Variants in LRBA observed in about 807,000 individuals in gnomAD.
LRBA encodes lipopolysaccharide-responsive and beige-like anchor protein.
A neutral mutation model predicts 330.0 loss-of-function variants in LRBA; 176 were observed. That is an observed-to-expected ratio of 0.53 (90% confidence interval 0.47 to 0.60). LRBA has a LOEUF of 0.60. Among genes scored for constraint, LRBA ranks in the 20% least tolerant of loss-of-function variants. The probability of loss-of-function intolerance (pLI) is 0.00; values close to 1 mark genes in which losing one functional copy is unlikely to be tolerated. For synonymous variants in LRBA, 1,230 were observed against 1,193.0 expected, an observed-to-expected ratio of 1.03 and a Z score of -0.64; for missense variants, 3,259 against 3,444.8, an observed-to-expected ratio of 0.95 and a Z score of 1.35.
At chr4:150,563,659 T>C (rs1169093977) in intron 40 of LRBA, among the ~76,000 whole-genome samples, 1 of 152,184 alleles carries the variant, frequency 6.6e-6, no homozygotes, top group Non-Finnish European at 1.5e-5. Context: ...CAAAAACTCC[T>C]TAAGCTGATA....
At chr4:150,513,538 T>A (rs1431306136) in intron 40 of LRBA, among the ~76,000 whole-genome samples, 1 of 152,180 alleles carries the variant, frequency 6.6e-6, no homozygotes, top group East Asian at 1.9e-4. Context: ...GATGCCCTAA[T>A]AAAATACTGC....
At chr4:151,008,988 AATAT>A (rs1554018902) in intron 2 of LRBA, among the ~76,000 whole-genome samples, 1 of 5,522 alleles carries the variant, frequency 1.8e-4, no homozygotes, top group African/African-American at 4.7e-4. Flanking sequence ...AAAAAAAAAA[AATAT>A]ATATATATAT....
intron 28 of LRBA, among the ~76,000 whole-genome samples, chr4:150,843,595 T>C (rs965618661): frequency 3.3e-5 from 5 of 152,200 alleles, no homozygotes; most frequent in Non-Finnish European, 7.4e-5. Flanking sequence ...CACATTAGTG[T>C]ACCTTTGAGG....
In LRBA at chr4:150,852,874, C is replaced by A; in HGVS notation, c.2836G>T (p.Glu946Ter). ...GAAGTTGAAGAACACAGCCCTATTTCTTCATCAACTTTTCCTTGCTGTTCC... is the reference window on the plus strand; with the variant it reads ...GAAGTTGAAGAACACAGCCCTATTTATTCATCAACTTTTCCTTGCTGTTCC... ...FREQQGKVDE[E>*]IGLCSSTSVQ... is the part of the protein sequence containing the mutation. Residue 946 changes from glutamate to a stop codon, truncating the protein, a stop_gained, in exon 23 of 57, where the codon GAA becomes TAA. Coordinates refer to ENST00000651943, the MANE Select transcript of LRBA (RefSeq NM_001364905.1). LOFTEE classifies it high-confidence loss of function. The A allele has an allele frequency of 6.2e-7, 1 of 1,610,360 alleles. No homozygotes were observed. The highest frequency in any genetic ancestry group is 8.5e-7 in the Non-Finnish European group (1 of 1,178,552).
intron 25 of LRBA, 30 bp from the exon 26 acceptor site, chr4:150,849,028 A>T (rs746748902): frequency 6.8e-7 from 1 of 1,460,074 alleles, no homozygotes; most frequent in South Asian, 1.4e-5. Flanking sequence ...ACATTTATAT[A>T]TATATATTCT....
At chr4:150,957,323 T>C (rs1737643029) in intron 2 of LRBA, among the ~76,000 whole-genome samples, 1 of 148,472 alleles carries the variant, frequency 6.7e-6, no homozygotes. Context: ...GACATGTCTT[T>C]GCAGGCAAGT....
At chr4:150,778,423 A>G (rs151160067) in intron 34 of LRBA, among the ~76,000 whole-genome samples, 1 of 152,310 alleles carries the variant, frequency 6.6e-6, no homozygotes, top group East Asian at 1.9e-4. Flanking sequence ...TTATGTAATT[A>G]CTATAAACAC....
chr4:150,636,234 T>C (rs1777896482), intron 37 of LRBA, among the ~76,000 whole-genome samples: 1 of 151,668 alleles, frequency 6.6e-6, no homozygotes, highest in South Asian at 2.1e-4. Flanking sequence ...AGGAGGTACT[T>C]TGGAACTATG....
intron 37 of LRBA, among the ~76,000 whole-genome samples, chr4:150,616,934 G>A (rs1288803609): frequency 6.6e-6 from 1 of 152,068 alleles, no homozygotes; most frequent in East Asian, 1.9e-4. Context: ...AATTTGAAAA[G>A]ATAAAAAGTC....
At chr4:150,567,237 C>T (rs1769251891) in intron 40 of LRBA, among the ~76,000 whole-genome samples, 1 of 152,128 alleles carries the variant, frequency 6.6e-6, no homozygotes, top group African/African-American at 2.4e-5. Context: ...CAGAGATTTC[C>T]AGATCTCTAT....
rs545194572 is a variant in LRBA at position 150,402,126 on chromosome 4, T to TA, written c.7194+13311dup. Among the ~76,000 whole-genome samples the TA allele has an allele frequency of 9.2e-3, 1,080 of 117,626 alleles. 5 individuals carry two copies. Among genetic ancestry groups the TA allele is most frequent in the Non-Finnish European group, 0.011 (594 of 56,034 alleles). The allele number at this position is 117,626 out of a possible 152,430, so 77.2% of individuals were successfully genotyped here. A position where few individuals can be genotyped will look rare whatever the true frequency, so the allele number is the denominator to read the frequency against. On this transcript the variant is annotated intron_variant, in intron 47 of 56. Transcript: ENST00000651943. ...TAACACGGTGAAATGCCATCTCTACTAAAAAAAAAAAAAAAAAAATTCTGT... is the reference window on the plus strand; with the variant it reads ...TAACACGGTGAAATGCCATCTCTACTAAAAAAAAAAAAAAAAAAAATTCTGT...
At chr4:150,912,219 GAAC>G (rs1247182186) in intron 9 of LRBA, among the ~76,000 whole-genome samples, 1 of 151,948 alleles carries the variant, frequency 6.6e-6, no homozygotes, top group East Asian at 1.9e-4. Flanking sequence ...GACCTGTTAG[GAAC>G]AACAGCAAGA....
intron 46 of LRBA, among the ~76,000 whole-genome samples, chr4:150,432,015 T>C (rs1289442338): frequency 6.6e-6 from 1 of 152,156 alleles, no homozygotes; most frequent in African/African-American, 2.4e-5. Flanking sequence ...ATATTATTCT[T>C]TGAGTATTGG....
At chr4:150,603,004 A>G (rs1197221153) in intron 37 of LRBA, among the ~76,000 whole-genome samples, 1 of 152,194 alleles carries the variant, frequency 6.6e-6, no homozygotes, top group Non-Finnish European at 1.5e-5. Context: ...CAAAAGTTAT[A>G]TTAATACTAC....
rs1442477360 is a variant in LRBA at position 150,672,867 on chromosome 4, T to C, written c.5921+10684A>G. Among the ~76,000 whole-genome samples the C allele has an allele frequency of 2.0e-5, 3 of 152,174 alleles. No homozygotes were observed. The East Asian group carries it at 5.8e-4, about 29-fold the overall frequency. Reference sequence around the variant, plus strand: ...TAATAGGTGTCCAGTAATTCTTAGTTCCATAACAAATCTATTTTGAAAACT... The same window carrying C: ...TAATAGGTGTCCAGTAATTCTTAGTCCCATAACAAATCTATTTTGAAAACT... On this transcript the variant is annotated intron_variant, in intron 37 of 56. Transcript: ENST00000651943.
chr4:150,861,082 AT>A (rs544582116), intron 22 of LRBA, among the ~76,000 whole-genome samples: 5 of 151,862 alleles, frequency 3.3e-5, no homozygotes, highest in East Asian at 1.9e-4. Flanking sequence ...TGTGTTATCT[AT>A]TTTTTTTAAT....
rs377270502 is a variant in LRBA at position 150,844,036 on chromosome 4, C to A, written c.4569+64G>T. The A allele has an allele frequency of 1.1e-4, 114 of 997,660 alleles. 2 individuals are homozygous for A. Among genetic ancestry groups the A allele is most frequent in the East Asian group, 9.8e-4 (40 of 40,868 alleles). 61.8% of individuals were successfully genotyped at this position (997,660 alleles called of 1,614,324 possible). On this transcript the variant is annotated intron_variant, in intron 28 of 56. Coordinates refer to ENST00000651943, the MANE Select transcript of LRBA (RefSeq NM_001364905.1). Reference sequence around the variant, plus strand: ...TCACAAAGAATTTTTAATCTCAATACATTAGGCCTAAGAGGAAATATGCAT... The same window carrying A: ...TCACAAAGAATTTTTAATCTCAATAAATTAGGCCTAAGAGGAAATATGCAT...
At chr4:150,613,010 T>C (rs1775423940) in intron 37 of LRBA, among the ~76,000 whole-genome samples, 1 of 152,030 alleles carries the variant, frequency 6.6e-6, no homozygotes, top group Non-Finnish European at 1.5e-5. Context: ...TAAGTAAAAG[T>C]ATAGAGGTCT....
intron 36 of LRBA, among the ~76,000 whole-genome samples, chr4:150,734,488 T>G (rs1730930537): frequency 6.6e-6 from 1 of 152,174 alleles, no homozygotes; most frequent in African/African-American, 2.4e-5. Context: ...TCTTTTCTAA[T>G]GTACCAGAAA....
Sources: allele counts gnomAD v4.1 joint callset (sites outside exome capture counted in the v4.1 genomes callset), GRCh38; gene constraint gnomAD v4.1.1; transcripts MANE v1.5; gene names NCBI Gene and HGNC (gene_info 2026-07-23, HGNC 2026-07-21).